Variants in CHMP1A observed in about 807,000 individuals in gnomAD.
CHMP1A encodes the protein charged multivesicular body protein 1A, also known as VPS46 homolog A.
Under a neutral mutation model 27.0 loss-of-function variants are expected in CHMP1A, and 17 were observed. That is an observed-to-expected ratio of 0.63 (90% CI 0.43 to 0.95). CHMP1A has a LOEUF of 0.95. CHMP1A is among the 40% of genes least tolerant of loss of function. The pLI is 0.00. For synonymous variants in CHMP1A, 131 were observed against 107.5 expected (o/e 1.22, Z -1.35); for missense variants, 275 against 264.0 (o/e 1.04, Z -0.29).
At chr16:89,655,978 T>G (rs1424393019) in intron 1 of CHMP1A, among the ~76,000 whole-genome samples, 1 of 149,802 alleles carries the variant, frequency 6.7e-6, no homozygotes, top group African/African-American at 2.5e-5. Flanking sequence ...CCTCCCAGAG[T>G]GCTGGGGTTA....
intron 3 of CHMP1A, among the ~76,000 whole-genome samples, chr16:89,650,462 C>G (rs951180720): frequency 2.0e-5 from 3 of 152,158 alleles, no homozygotes; most frequent in Non-Finnish European, 4.4e-5. Context: ...ATGACTCTGC[C>G]CAGACCCTGA....
intron 3 of CHMP1A, among the ~76,000 whole-genome samples, chr16:89,649,865 C>G (rs1194784524): frequency 1.3e-5 from 2 of 152,134 alleles, no homozygotes; most frequent in Non-Finnish European, 2.9e-5. Context: ...CGTGAGCCAC[C>G]GCGCCCGGCC....
At position 89,657,707 on chromosome 16, in the gene CHMP1A, C is replaced by T. The variant is rs2059897935; in HGVS notation, c.-119G>A. 2 of 1,552,650 alleles carry T rather than the reference C, an allele frequency of 1.3e-6. No homozygotes were observed. Among genetic ancestry groups the T allele is most frequent in the African/African-American group, 1.4e-5 (1 of 71,392 alleles). On this transcript the variant is annotated 5_prime_UTR_variant, in exon 1 of 7. Transcript: ENST00000397901. Reference sequence around the variant, plus strand: ...CACCCGGCGGGGACTTCCGGGGTCGCCGCCCCACTTCCGGTCGCACGGGAT... The same window carrying T: ...CACCCGGCGGGGACTTCCGGGGTCGTCGCCCCACTTCCGGTCGCACGGGAT...
At chr16:89,649,190 T>A in intron 4 of CHMP1A, 161 bp downstream of exon 4, 5 of 230,288 alleles carry the variant, frequency 2.2e-5, no homozygotes, top group East Asian at 7.8e-5. Context: ...GATCCAGCCC[T>A]CAACCTCCCC....
Position 89,646,081 on chromosome 16 carries a change from G to T in CHMP1A, c.576C>A (p.Ala192=). 1 of 1,544,086 alleles carries T rather than the reference G, an allele frequency of 6.5e-7. No individual in the cohort carries two copies. Among genetic ancestry groups the T allele is most frequent in the South Asian group, 1.2e-5 (1 of 80,614 alleles). ...CGGGGCACGGCTAGTTCCTCAAGGCGGCCAACCTGGAAACCAACAACAGGA... is the reference window on the plus strand; with the variant it reads ...CGGGGCACGGCTAGTTCCTCAAGGCTGCCAACCTGGAAACCAACAACAGGA... ...SQEDQLSRRL[A]ALRN Residue 192 remains alanine (A), a synonymous_variant, in exon 7 of 7, where the codon GCC becomes GCA. Coordinates refer to ENST00000397901, the MANE Select transcript of CHMP1A (RefSeq NM_002768.5).
intron 5 of CHMP1A, 182 bp from the exon 6 acceptor site, chr16:89,646,896 A>AAC: frequency 5.3e-6 from 1 of 189,486 alleles, no homozygotes; most frequent in Admixed American, 7.5e-5. Context: ...CCCCCCACCC[A>AAC]GCCCCACCCT....
intron 4 of CHMP1A, among the ~76,000 whole-genome samples, chr16:89,648,959 A>G (rs1285588107): frequency 6.6e-6 from 1 of 151,822 alleles, no homozygotes; most frequent in African/African-American, 2.4e-5. Context: ...CAGGAGGTTG[A>G]GGCTGCAGTG....
At chr16:89,648,570 T>A (rs8061010) in intron 4 of CHMP1A, among the ~76,000 whole-genome samples, 11,105 of 152,208 alleles carry the variant, frequency 0.073, 508 homozygotes, top group Non-Finnish European at 0.11. Flanking sequence ...AGGCTCTGCC[T>A]CTTGTGGGAG....
At chr16:89,646,940 A>T in intron 5 of CHMP1A, 1 of 981,492 alleles carries the variant, frequency 1.0e-6, no homozygotes, top group Admixed American at 2.7e-5. Flanking sequence ...GCGGGTGGAC[A>T]TCTTTCCACA....
At chr16:89,646,173 C>T (rs1472477769) in intron 6 of CHMP1A, 86 bp from the exon 7 acceptor site, 4 of 1,251,006 alleles carry the variant, frequency 3.2e-6, no homozygotes, top group East Asian at 4.8e-5. Flanking sequence ...GACCCTTTTC[C>T]TCCTCAGTGT....
chr16:89,647,363 G>A (rs1334391104), intron 4 of CHMP1A, 32 bp from the exon 5 acceptor site: 1 of 1,588,220 alleles, frequency 6.3e-7, no homozygotes, highest in Non-Finnish European at 8.6e-7. Flanking sequence ...GAGGGAACAG[G>A]ATGAAAGGCA....
Position 89,651,504 on chromosome 16 carries a change from T to G in CHMP1A, c.105+65A>C, listed in dbSNP as rs2059823562. 5 of 1,498,896 alleles carry G rather than the reference T, an allele frequency of 3.3e-6. No homozygotes were observed. In the Admixed American group the frequency reaches 8.8e-5, roughly 27 times the overall value. 92.8% of individuals were successfully genotyped at this position (1,498,896 alleles called of 1,614,324 possible). A position where few individuals can be genotyped will look rare whatever the true frequency, so the allele number is the denominator to read the frequency against. On this transcript the variant is annotated intron_variant, in intron 3 of 6. Coordinates refer to ENST00000397901, the MANE Select transcript of CHMP1A (RefSeq NM_002768.5). Reference sequence around the variant, plus strand: ...ATCAAAACAAAACAGGACACAAAAATAAGGGCAGAAAAGGACAGAAGACAA... The same window carrying G: ...ATCAAAACAAAACAGGACACAAAAAGAAGGGCAGAAAAGGACAGAAGACAA...
intron 5 of CHMP1A, chr16:89,646,949 C>A: frequency 8.1e-7 from 1 of 1,227,428 alleles, no homozygotes; most frequent in Non-Finnish European, 1.1e-6. Context: ...CATCTTTCCA[C>A]ACCTCTGCAT....
chr16:89,649,010 GCAAGACAGT>G (rs2059803220), intron 4 of CHMP1A, among the ~76,000 whole-genome samples: 2 of 151,626 alleles, frequency 1.3e-5, no homozygotes, highest in Admixed American at 6.6e-5. Context: ...GGGTGACAGA[GCAAGACAGT>G]CTCTAAAAAA....
At chr16:89,655,469 C>T (rs1260600389) in intron 1 of CHMP1A, among the ~76,000 whole-genome samples, 3 of 150,714 alleles carry the variant, frequency 2.0e-5, no homozygotes, top group African/African-American at 7.4e-5. Context: ...TCAGCTTTCC[C>T]TCACCTCAGC....
intron 4 of CHMP1A, among the ~76,000 whole-genome samples, chr16:89,649,009 A>G (rs1018149943): frequency 6.6e-6 from 1 of 151,778 alleles, no homozygotes; most frequent in African/African-American, 2.4e-5. Flanking sequence ...TGGGTGACAG[A>G]GCAAGACAGT....
At chr16:89,657,339 T>A in intron 1 of CHMP1A, among the ~76,000 whole-genome samples, 1 of 129,962 alleles carries the variant, frequency 7.7e-6, no homozygotes, top group African/African-American at 3.0e-5. Context: ...GGAAAAGGGG[T>A]CCCAGGTCGG....
chr16:89,652,382 T>C (rs1036386007), intron 2 of CHMP1A, among the ~76,000 whole-genome samples: 1 of 140,310 alleles, frequency 7.1e-6, no homozygotes, highest in African/African-American at 2.6e-5. Flanking sequence ...TGGCAACCCA[T>C]CTGGAACCAC....
In CHMP1A at chr16:89,650,987, A is replaced by G. The variant is rs139664576; in HGVS notation, c.105+582T>C. Among the ~76,000 whole-genome samples, 15 of 152,288 alleles carry G rather than the reference A, an allele frequency of 9.8e-5. No individual in the cohort carries two copies. The East Asian group carries it at 2.9e-3, about 29-fold the overall frequency. On this transcript the variant is annotated intron_variant, in intron 3 of 6. Coordinates refer to ENST00000397901, the MANE Select transcript of CHMP1A (RefSeq NM_002768.5). The stretch of plus-strand genomic sequence containing the variant: ...GTCTGGCAGGGGCTGTAGGGCAGGG[A>G]CAGAAACCATTCTGGGCTGCACCAC...
Sources: gnomAD v4.1 joint callset for allele counts (sites outside exome capture counted in the v4.1 genomes callset) on GRCh38, gnomAD v4.1.1 for gene constraint, MANE v1.5 for transcripts, NCBI Gene and HGNC (gene_info 2026-07-23, HGNC 2026-07-21) for gene names.